Variants in PAK1 observed in about 807,000 individuals in gnomAD.
The protein encoded by PAK1 is p21 (RAC1) activated kinase 1.
Under a neutral mutation model 67.4 loss-of-function variants are expected in PAK1, and 29 were observed. The observed-to-expected ratio is 0.43, with a 90% CI of 0.32 to 0.59. PAK1 has a LOEUF of 0.59. Among genes scored for constraint, PAK1 ranks in the 20% least tolerant of loss-of-function variants. The pLI, the probability that PAK1 is intolerant of heterozygous loss-of-function variation, is 0.07. For missense variants in PAK1, 337 were observed against 670.7 expected, an observed-to-expected ratio of 0.50 and a Z score of 5.50; for synonymous variants, 223 against 237.4, an observed-to-expected ratio of 0.94 and a Z score of 0.56.
intron 13 of PAK1, among the ~76,000 whole-genome samples, chr11:77,335,118 C>A (rs147302340): frequency 8.5e-5 from 13 of 152,192 alleles, no homozygotes; most frequent in Non-Finnish European, 1.5e-5. Context: ...AAGGCCACTC[C>A]TTGGTCTACT....
chr11:77,490,007 C>T, the PAK1 span, among the ~76,000 whole-genome samples: 3 of 148,480 alleles, frequency 2.0e-5, no homozygotes, highest in Non-Finnish European at 3.0e-5. Flanking sequence ...AAGTGAGGAA[C>T]GCCTCTTCCC....
At chr11:77,505,502 T>C in the PAK1 span, among the ~76,000 whole-genome samples, 12 of 152,344 alleles carry the variant, frequency 7.9e-5, no homozygotes, top group East Asian at 2.3e-3. Context: ...CTACTATTTA[T>C]TTATCTGGCT....
the PAK1 span, among the ~76,000 whole-genome samples, chr11:77,490,080 G>A: frequency 6.6e-6 from 1 of 151,602 alleles, no homozygotes; most frequent in Admixed American, 6.6e-5. Context: ...TCTGAGATGT[G>A]GGGAGCGCCT....
At chr11:77,516,413 A>T in the PAK1 span, among the ~76,000 whole-genome samples, 1 of 152,222 alleles carries the variant, frequency 6.6e-6, no homozygotes, top group Non-Finnish European at 1.5e-5. Flanking sequence ...TCTCTAAAAT[A>T]GAAAAAGTAA....
the PAK1 span, among the ~76,000 whole-genome samples, chr11:77,524,241 C>T: frequency 6.6e-6 from 1 of 152,348 alleles, no homozygotes; most frequent in South Asian, 2.1e-4. Context: ...ATAACCATGC[C>T]TGCCTCATGT....
intron 5 of PAK1, among the ~76,000 whole-genome samples, chr11:77,367,580 T>G (rs1012709374): frequency 7.2e-5 from 11 of 152,068 alleles, no homozygotes; most frequent in Admixed American, 7.2e-4. Context: ...AAAATTAAAT[T>G]GACTGAAAGA....
chr11:77,505,201 T>TC, the PAK1 span, among the ~76,000 whole-genome samples: 2 of 152,010 alleles, frequency 1.3e-5, no homozygotes. Context: ...TTTTCTTTTT[T>TC]TTTTGAAATG....
chr11:77,500,630 G>A, the PAK1 span, among the ~76,000 whole-genome samples: 10 of 151,992 alleles, frequency 6.6e-5, no homozygotes, highest in Non-Finnish European at 1.2e-4. Flanking sequence ...AGGATCATTT[G>A]AGCCCCAGAG....
chr11:77,333,699 T>C (rs1942151324), intron 13 of PAK1, among the ~76,000 whole-genome samples: 1 of 152,074 alleles, frequency 6.6e-6, no homozygotes, highest in Non-Finnish European at 1.5e-5. Flanking sequence ...AAGCGTCTCC[T>C]GGGAAAGGTA....
chr11:77,523,635 G>A, the PAK1 span, among the ~76,000 whole-genome samples: 6 of 152,056 alleles, frequency 3.9e-5, no homozygotes, highest in Non-Finnish European at 7.4e-5. Context: ...GGCCAGGCTG[G>A]TCTCAAACTC....
At chr11:77,393,863 C>A (rs1260739417) in intron 1 of PAK1, among the ~76,000 whole-genome samples, 1 of 151,966 alleles carries the variant, frequency 6.6e-6, no homozygotes, top group Non-Finnish European at 1.5e-5. Context: ...ATTAGCCAGG[C>A]GTGGTGGTGG....
At chr11:77,511,200 A>G in the PAK1 span, among the ~76,000 whole-genome samples, 16 of 152,198 alleles carry the variant, frequency 1.1e-4, no homozygotes, top group Non-Finnish European at 1.9e-4. Context: ...CTCTGCACAC[A>G]GGGAAGGGGG....
intron 8 of PAK1, among the ~76,000 whole-genome samples, chr11:77,352,291 T>C (rs924487501): frequency 3.3e-5 from 5 of 152,192 alleles, no homozygotes; most frequent in East Asian, 1.9e-4. Flanking sequence ...TTGAATTTCA[T>C]ATAAATCAAA....
chr11:77,481,000 A>G, the PAK1 span, among the ~76,000 whole-genome samples: 2 of 152,206 alleles, frequency 1.3e-5, no homozygotes, highest in African/African-American at 2.4e-5. Context: ...CATCGTGGTC[A>G]GGAGACATGC....
chr11:77,388,900 C>CT (rs1400897349), intron 2 of PAK1, among the ~76,000 whole-genome samples: 1 of 152,282 alleles, frequency 6.6e-6, no homozygotes, highest in African/African-American at 2.4e-5. Flanking sequence ...CTGGAATCTT[C>CT]TTTTTTAAAA....
intron 5 of PAK1, among the ~76,000 whole-genome samples, chr11:77,359,627 T>A (rs935356344): frequency 6.6e-6 from 1 of 152,156 alleles, no homozygotes; most frequent in Non-Finnish European, 1.5e-5. Flanking sequence ...CCAGACTGGA[T>A]ACTATTTCCC....
chr11:77,490,335 G>A, the PAK1 span, among the ~76,000 whole-genome samples: 2 of 145,154 alleles, frequency 1.4e-5, no homozygotes, highest in Non-Finnish European at 3.0e-5. Flanking sequence ...GAGGTGGGGG[G>A]GTCAGCCCCC....
chr11:77,387,154 C>A lies in PAK1; in HGVS notation c.190+5177G>T, dbSNP rs549018479. ...GTAGCATGATCTTGGCTCACTGCAA[C>A]CTCTGCCGCCCAGATTCAAGCGATT... is the stretch of plus-strand genomic sequence containing the variant. On this transcript the variant is annotated intron_variant, in intron 2 of 14. Transcript: ENST00000356341. Among the ~76,000 whole-genome samples the A allele has an allele frequency of 3.3e-5, 5 of 149,720 alleles. No individual in the cohort carries two copies. In the East Asian group the frequency reaches 5.9e-4, roughly 18 times the overall value.
chr11:77,409,747 A>G (rs1392124294), intron 1 of PAK1, among the ~76,000 whole-genome samples: 2 of 152,034 alleles, frequency 1.3e-5, no homozygotes, highest in East Asian at 1.9e-4. Flanking sequence ...AGTAGATCTC[A>G]TGATGATACA....
Sources: gnomAD v4.1 joint callset for allele counts (sites outside exome capture counted in the v4.1 genomes callset) on GRCh38, gnomAD v4.1.1 for gene constraint, MANE v1.5 for transcripts, NCBI Gene and HGNC (gene_info 2026-07-23, HGNC 2026-07-21) for gene names.